The following MUC22 variants were observed in gnomAD, a reference collection of about 807,000 sequenced individuals.
The protein encoded by MUC22 is mucin 22.
A neutral mutation model predicts 40.3 loss-of-function variants in MUC22; 24 were observed. That is an observed-to-expected ratio of 0.60 (90% CI 0.43 to 0.84). The LOEUF is 0.84. MUC22 is among the 40% of genes least tolerant of loss of function. The pLI, the probability that MUC22 is intolerant of heterozygous loss-of-function variation, is 0.00. For synonymous variants in MUC22, 765 were observed against 844.5 expected (o/e 0.91, Z 1.63); for missense variants, 1,926 against 2,130.7 (o/e 0.90, Z 1.89).
intron 2 of MUC22, among the ~76,000 whole-genome samples, chr6:31,031,042 C>A (rs1766024106): frequency 6.6e-6 from 1 of 152,250 alleles, no homozygotes; most frequent in South Asian, 2.1e-4. Context: ...TTTGTTCATT[C>A]TCTGGCACTT....
exon 2 of MUC22, chr6:31,026,664 T>G (rs1335925045): frequency 6.6e-7 from 1 of 1,505,060 alleles, no homozygotes; most frequent in African/African-American, 1.4e-5. Context: ...CAGCCTATAC[T>G]GCAGATTCTG....
Position 31,032,082 on chromosome 6 carries a change from T to G in MUC22, c.4670-114T>G. 4 of 1,223,208 alleles carry G rather than the reference T, an allele frequency of 3.3e-6. No individual in the cohort carries two copies. The highest frequency in any genetic ancestry group is 4.4e-6 in the Non-Finnish European group (4 of 902,304). 75.8% of individuals were successfully genotyped at this position (1,223,208 alleles called of 1,614,324 possible). On this transcript the variant is annotated intron_variant, in intron 2 of 3. Transcript: ENST00000561890. This position sits in a 1 kb window ranked among gnomAD's most constrained non-coding sequence, Gnocchi z 4.1. Reference sequence around the variant, plus strand: ...CTCTCCTCCCCCACCACACCTCTCCTGAGCCACCTCCACCATAGGTTTGTT... The same window carrying G: ...CTCTCCTCCCCCACCACACCTCTCCGGAGCCACCTCCACCATAGGTTTGTT...
In MUC22 at chr6:31,021,597, G is replaced by A. The variant is rs979851694; in HGVS notation, c.71-3905G>A. On this transcript the variant is annotated intron_variant, in intron 1 of 3. Coordinates refer to ENST00000561890, the Ensembl canonical transcript of MUC22. Reference sequence around the variant, plus strand: ...CCTGTGTTTAGCTCAAAGTTTGTGAGTGCACCAATCGACACTCTGTATCTA... The same window carrying A: ...CCTGTGTTTAGCTCAAAGTTTGTGAATGCACCAATCGACACTCTGTATCTA... Among the ~76,000 whole-genome samples, 49 of 118,674 alleles carry A rather than the reference G, an allele frequency of 4.1e-4. 1 individual carries two copies. The highest frequency in any genetic ancestry group is 3.6e-3 in the Admixed American group (47 of 13,138). The allele number at this position is 118,674 out of a possible 152,430, so 77.9% of individuals were successfully genotyped here. A position where few individuals can be genotyped will look rare whatever the true frequency, so the allele number is the denominator to read the frequency against.
At chr6:31,015,735 G>A (rs1206829501) in intron 1 of MUC22, among the ~76,000 whole-genome samples, 1 of 152,134 alleles carries the variant, frequency 6.6e-6, no homozygotes, top group Non-Finnish European at 1.5e-5. Flanking sequence ...TTATTCTGGA[G>A]GATTTCAGAT....
At chr6:31,021,385 A>G (rs1764726731) in intron 1 of MUC22, among the ~76,000 whole-genome samples, 1 of 151,372 alleles carries the variant, frequency 6.6e-6, no homozygotes, top group Non-Finnish European at 1.5e-5. Flanking sequence ...TATCTAGCTC[A>G]AGGTTTGTAA....
exon 4 of MUC22, chr6:31,035,301 G>A (rs913891596): frequency 7.4e-6 from 2 of 269,602 alleles, no homozygotes; most frequent in African/African-American, 4.4e-5. Context: ...CGCCACATCA[G>A]GGTCAACGTT....
chr6:31,021,175 G>C (rs1764703187), intron 1 of MUC22, among the ~76,000 whole-genome samples: 1 of 152,272 alleles, frequency 6.6e-6, no homozygotes, highest in African/African-American at 2.4e-5. Flanking sequence ...GGTGAAGCCA[G>C]CTGGGCTCCT....
At chr6:31,034,584 A>G (rs1766307333) in intron 3 of MUC22, 88 bp from the exon 4 acceptor site, 1 of 1,157,548 alleles carries the variant, frequency 8.6e-7, no homozygotes, top group Non-Finnish European at 1.2e-6. Context: ...AAAAGTGAAA[A>G]TCTGACATTG....
intron 1 of MUC22, among the ~76,000 whole-genome samples, chr6:31,013,899 T>C (rs1331231747): frequency 6.6e-6 from 1 of 152,148 alleles, no homozygotes; most frequent in Non-Finnish European, 1.5e-5. Flanking sequence ...GCTTTGGGCA[T>C]GATTTATTGT....
rs1255072125 is a variant in MUC22, at chr6:31,032,075, C to A, written c.4670-121C>A. 7.2e-6 allele frequency: 8 copies of A among 1,114,848 alleles called. No homozygotes were observed. Among genetic ancestry groups the A allele is most frequent in the Non-Finnish European group, 9.9e-6 (8 of 805,454 alleles). The allele number at this position is 1,114,848 out of a possible 1,614,324, so 69.1% of individuals were successfully genotyped here. On this transcript the variant is annotated intron_variant, in intron 2 of 3. Transcript: ENST00000561890. This position sits in a 1 kb window ranked among gnomAD's most constrained non-coding sequence, Gnocchi z 4.1. ...CTACCATCTCTCCTCCCCCACCACA[C>A]CTCTCCTGAGCCACCTCCACCATAG...
At chr6:31,016,358 C>G (rs1321080257) in intron 1 of MUC22, among the ~76,000 whole-genome samples, 1 of 152,130 alleles carries the variant, frequency 6.6e-6, no homozygotes, top group Non-Finnish European at 1.5e-5. Flanking sequence ...GCTCTGTGAG[C>G]AGGGGTAGGG....
exon 2 of MUC22, chr6:31,028,313 G>T (rs1365475289): frequency 6.5e-7 from 1 of 1,533,202 alleles, no homozygotes; most frequent in South Asian, 1.2e-5. Context: ...TCTACCACAG[G>T]TTCAGAGACC....
At chr6:31,015,771 C>T (rs1053213059) in intron 1 of MUC22, among the ~76,000 whole-genome samples, 1 of 152,210 alleles carries the variant, frequency 6.6e-6, no homozygotes, top group Non-Finnish European at 1.5e-5. Context: ...TCTAAAATCT[C>T]ATGATATGGT....
intron 1 of MUC22, among the ~76,000 whole-genome samples, chr6:31,022,028 T>C (rs9262529): frequency 0.38 from 57,841 of 151,314 alleles, 11,242 homozygotes; most frequent in East Asian, 0.47. Context: ...TCCACACGCA[T>C]GGGCTTAAGA....
exon 1 of MUC22, chr6:31,010,687 T>A: frequency 1.4e-6 from 1 of 702,548 alleles, no homozygotes; most frequent in East Asian, 2.7e-5. Context: ...AATGACAACT[T>A]CTATGTGCAT....
At chr6:31,015,813 A>G (rs1764155545) in intron 1 of MUC22, among the ~76,000 whole-genome samples, 1 of 152,150 alleles carries the variant, frequency 6.6e-6, no homozygotes, top group Admixed American at 6.5e-5. Flanking sequence ...TTGTGTTAGG[A>G]ATTTGCACAG....
chr6:31,010,273 C>T (rs1049804482), upstream of MUC22, among the ~76,000 whole-genome samples: 1 of 152,136 alleles, frequency 6.6e-6, no homozygotes, highest in African/African-American at 2.4e-5. Flanking sequence ...CTGCCTCCCT[C>T]CCTGCCCCTC....
At chr6:31,015,646 G>A (rs985009329) in intron 1 of MUC22, among the ~76,000 whole-genome samples, 6 of 152,164 alleles carry the variant, frequency 3.9e-5, no homozygotes, top group Admixed American at 6.5e-5. Context: ...TTTTAAAGGC[G>A]TTGATCCACT....
Position 31,032,397 on chromosome 6 carries a change from C to G in MUC22, c.4871C>G (p.Pro1624Arg). 1 of 1,535,732 alleles carries G rather than the reference C, an allele frequency of 6.5e-7. No homozygotes were observed. The highest frequency in any genetic ancestry group is 1.4e-5 in the African/African-American group (1 of 73,174). The change falls in exon 3 of 4, where the codon CCA becomes CGA. Residue 1624 changes from proline to arginine, a missense_variant. Coordinates refer to ENST00000561890, the Ensembl canonical transcript of MUC22. This position sits in a 1 kb window ranked among gnomAD's most constrained non-coding sequence, Gnocchi z 4.1. ...ACCACCACAGGATCCACCCGTGAGC[C>G]AACCAGCAGCACCTTCCAGGAAACA... is the stretch of plus-strand genomic sequence containing the variant.
Sources: gnomAD v4.1 joint callset for allele counts (sites outside exome capture counted in the v4.1 genomes callset) on GRCh38, gnomAD v4.1.1 for gene constraint, Gnocchi (gnomAD v3.1) non-coding constraint, MANE v1.5 for transcripts, NCBI Gene and HGNC (gene_info 2026-07-23, HGNC 2026-07-21) for gene names.